The following JAZF1 variants were observed in gnomAD, a reference collection of about 807,000 sequenced individuals.
The protein encoded by JAZF1 is JAZF zinc finger 1, also known as juxtaposed with another zinc finger protein 1.
A neutral mutation model predicts 26.4 loss-of-function variants in JAZF1; 8 were observed. The observed-to-expected ratio is 0.30, with a 90% CI of 0.18 to 0.55. The LOEUF (loss-of-function observed/expected upper bound fraction) is 0.55. Among genes scored for constraint, JAZF1 ranks in the 20% least tolerant of loss-of-function variants. JAZF1 has a pLI of 0.94. For synonymous variants in JAZF1, 126 were observed against 122.3 expected, an observed-to-expected ratio of 1.03 and a Z score of -0.20; for missense variants, 199 against 322.0, an observed-to-expected ratio of 0.62 and a Z score of 2.92.
At chr7:28,059,948 G>A (rs1490863574) in intron 1 of JAZF1, among the ~76,000 whole-genome samples, 1 of 152,014 alleles carries the variant, frequency 6.6e-6, no homozygotes, top group Non-Finnish European at 1.5e-5. Flanking sequence ...TAAACATTTA[G>A]TCGTGTTTAA....
chr7:28,018,184 T>C (rs1171261990), intron 1 of JAZF1, among the ~76,000 whole-genome samples: 1 of 151,912 alleles, frequency 6.6e-6, no homozygotes, highest in East Asian at 1.9e-4. Context: ...AAGGGCAGGA[T>C]GGGGGTGGGC....
Position 28,112,797 on chromosome 7 carries a change from G to A in JAZF1, c.115+67666C>T, listed in dbSNP as rs114709540. On this transcript the variant is annotated intron_variant, in intron 1 of 4. Transcript: ENST00000283928. The stretch of plus-strand genomic sequence containing the variant: ...AAAGAAGGCTGACCGTACAGACCTC[G>A]AGTGCTTAAGAGAAAGCAAACATCA... 6.1e-3 allele frequency among the ~76,000 whole-genome samples: 934 copies of A among 152,242 alleles called. 12 individuals are homozygous for A. The highest frequency in any genetic ancestry group is 0.022 in the African/African-American group (906 of 41,542).
chr7:27,851,917 TGATGCCTGGGGGTTC>T, intron 3 of JAZF1, among the ~76,000 whole-genome samples: 1 of 148,988 alleles, frequency 6.7e-6, no homozygotes, highest in African/African-American at 2.5e-5. Context: ...GGACCCACAC[TGATGCCTGGGGGTTC>T]TGAGTTATGG....
At position 28,017,060 on chromosome 7, in the gene JAZF1, C is replaced by A. The variant is rs547938079; in HGVS notation, c.116-25079G>T. Among the ~76,000 whole-genome samples the A allele has an allele frequency of 2.7e-4, 41 of 152,226 alleles. No individual in the cohort carries two copies. The South Asian group carries it at 8.3e-3, about 31-fold the overall frequency. ...TTCACTGGCACTTAGGTTAAATATG[C>A]CATTATCTGGCCGGGCCCAATGGCT... On this transcript the variant is annotated intron_variant, in intron 1 of 4. Coordinates refer to ENST00000283928, the MANE Select transcript of JAZF1 (RefSeq NM_175061.4).
intron 2 of JAZF1, among the ~76,000 whole-genome samples, chr7:27,979,545 T>G (rs1785540621): frequency 6.6e-6 from 1 of 151,962 alleles, no homozygotes; most frequent in African/African-American, 2.4e-5. Flanking sequence ...TGAGCCACTG[T>G]GCCTAGGATC....
At chr7:27,911,936 T>A (rs147109605) in intron 2 of JAZF1, among the ~76,000 whole-genome samples, 1,524 of 152,272 alleles carry the variant, frequency 0.01, 31 homozygotes, top group African/African-American at 0.035. Context: ...ACATCTGGGG[T>A]ACAAACATTA....
intron 1 of JAZF1, among the ~76,000 whole-genome samples, chr7:28,138,185 A>C (rs571675476): frequency 6.6e-6 from 1 of 152,362 alleles, no homozygotes; most frequent in South Asian, 2.1e-4. Flanking sequence ...GAAGGGAATA[A>C]ACACAGATCT....
At chr7:27,863,632 G>A (rs887128433) in intron 3 of JAZF1, among the ~76,000 whole-genome samples, 1 of 152,098 alleles carries the variant, frequency 6.6e-6, no homozygotes, top group Admixed American at 6.5e-5. Flanking sequence ...CTGAATTCCT[G>A]GTATCCTTAA....
At chr7:28,131,382 T>C (rs1176873261) in intron 1 of JAZF1, among the ~76,000 whole-genome samples, 1 of 152,186 alleles carries the variant, frequency 6.6e-6, no homozygotes, top group Non-Finnish European at 1.5e-5. Context: ...TGCCCCATGT[T>C]AGGGAAAATA....
At chr7:27,873,270 CCT>C (rs1437472883) in intron 3 of JAZF1, among the ~76,000 whole-genome samples, 2 of 152,204 alleles carry the variant, frequency 1.3e-5, no homozygotes, top group Non-Finnish European at 2.9e-5. Context: ...TCCAATCCAT[CCT>C]CTTTCTGGCT....
intron 2 of JAZF1, among the ~76,000 whole-genome samples, chr7:27,909,377 T>C (rs1045080686): frequency 7.0e-6 from 1 of 143,388 alleles, no homozygotes. Flanking sequence ...ATGGTGATAA[T>C]TTAAACTTTT....
intron 1 of JAZF1, among the ~76,000 whole-genome samples, chr7:28,149,090 A>G (rs777962702): frequency 2.0e-4 from 31 of 152,160 alleles, no homozygotes; most frequent in Non-Finnish European, 4.4e-4. Context: ...TGCTGTCCCC[A>G]TCATTTTTGG....
At chr7:27,971,422 A>G (rs1364219087) in intron 2 of JAZF1, among the ~76,000 whole-genome samples, 1 of 152,228 alleles carries the variant, frequency 6.6e-6, no homozygotes, top group Admixed American at 6.5e-5. Flanking sequence ...AATGAGAACA[A>G]GTAATTTAGA....
At chr7:28,103,140 T>C (rs1784500103) in intron 1 of JAZF1, among the ~76,000 whole-genome samples, 1 of 152,134 alleles carries the variant, frequency 6.6e-6, no homozygotes, top group African/African-American at 2.4e-5. Context: ...GGCTTTTCCT[T>C]CCACCTCGGT....
chr7:28,004,699 C>G (rs1782669211), intron 1 of JAZF1, among the ~76,000 whole-genome samples: 1 of 152,050 alleles, frequency 6.6e-6, no homozygotes, highest in African/African-American at 2.4e-5. Context: ...GTCCCTCAGG[C>G]TGGAATGCAG....
intron 2 of JAZF1, among the ~76,000 whole-genome samples, chr7:27,985,642 C>T (rs887197297): frequency 2.6e-5 from 4 of 152,084 alleles, no homozygotes; most frequent in African/African-American, 9.7e-5. Context: ...CTGGCAGAGA[C>T]ACAACAAAAA....
chr7:28,038,860 T>C (rs548399898), intron 1 of JAZF1, among the ~76,000 whole-genome samples: 2 of 152,364 alleles, frequency 1.3e-5, no homozygotes, highest in African/African-American at 2.4e-5. Context: ...TCACTGTCCA[T>C]GCTTGGTATA....
chr7:28,110,474 AAAGG>A lies in JAZF1; in HGVS notation c.115+69985_115+69988del, dbSNP rs1461761106. On this transcript the variant is annotated intron_variant, in intron 1 of 4. Transcript: ENST00000283928. ...AAAGGAAAGGAAAGGAAAGGAAAGGAAAGGAAAGGAAAGGAAAGGAAAGGAAAGG... is the reference window on the plus strand; with the variant it reads ...AAAGGAAAGGAAAGGAAAGGAAAGGAAAAGGAAAGGAAAGGAAAGGAAAGG... Among the ~76,000 whole-genome samples, 386 of 74,704 alleles carry A rather than the reference AAAGG, an allele frequency of 5.2e-3. 8 individuals are homozygous for A. Among genetic ancestry groups the A allele is most frequent in the African/African-American group, 0.017 (364 of 21,328 alleles). The allele number at this position is 74,704 out of a possible 152,430, so 49.0% of individuals were successfully genotyped here. A position where few individuals can be genotyped will look rare whatever the true frequency, so the allele number is the denominator to read the frequency against.
At chr7:28,057,429 C>T (rs963408243) in intron 1 of JAZF1, among the ~76,000 whole-genome samples, 1 of 152,092 alleles carries the variant, frequency 6.6e-6, no homozygotes. Context: ...AATATTGTGC[C>T]GAGTACTCTG....
Sources: allele counts gnomAD v4.1 joint callset (sites outside exome capture counted in the v4.1 genomes callset), GRCh38; gene constraint gnomAD v4.1.1; transcripts MANE v1.5; gene names NCBI Gene and HGNC (gene_info 2026-07-23, HGNC 2026-07-21).